Variants in MATR3 observed in about 807,000 individuals in gnomAD.
MATR3 encodes matrin-3.
A neutral mutation model predicts 85.5 loss-of-function variants in MATR3; 4 were observed. The observed-to-expected ratio is 0.05, with a 90% CI of 0.02 to 0.11. MATR3 has a LOEUF of 0.11. MATR3 is among the 10% of genes least tolerant of loss of function. The pLI is 1.00. For synonymous variants in MATR3, 336 were observed against 343.1 expected (o/e 0.98, Z 0.23); for missense variants, 685 against 1,016.1 (o/e 0.67, Z 4.43).
At chr5:139,325,018 C>T (rs950101707) in intron 12 of MATR3, among the ~76,000 whole-genome samples, 5 of 151,864 alleles carry the variant, frequency 3.3e-5, no homozygotes, top group Non-Finnish European at 5.9e-5. Context: ...AGTGAAACCC[C>T]GTCTCTACTA....
intron 2 of MATR3, 122 bp from the exon 3 acceptor site, chr5:139,314,553 A>G: frequency 4.0e-6 from 3 of 748,698 alleles, no homozygotes; most frequent in East Asian, 5.5e-5. Flanking sequence ...GATTTAGTGA[A>G]TGGGCAGGTG....
chr5:139,319,940 TTTC>T (rs1354054860), intron 9 of MATR3, among the ~76,000 whole-genome samples: 1 of 144,282 alleles, frequency 6.9e-6, no homozygotes, highest in African/African-American at 2.6e-5. Flanking sequence ...GTTGTTTGCT[TTTC>T]TTTTCTTTTT....
At chr5:139,290,874 T>C (rs1753850515), upstream of MATR3, among the ~76,000 whole-genome samples, 1 of 152,232 alleles carries the variant, frequency 6.6e-6, no homozygotes, top group African/African-American at 2.4e-5. Context: ...AAAATTCATG[T>C]GTCCCCAACT....
intron 1 of MATR3, chr5:139,294,164 AGCCCGTTACACGCGG>A: frequency 1.2e-6 from 1 of 858,082 alleles, no homozygotes; most frequent in Non-Finnish European, 1.6e-6. Context: ...CGGGACGACT[AGCCCGTTACACGCGG>A]GCCGCGGCGC....
At chr5:139,300,996 G>A (rs903366523) in intron 1 of MATR3, among the ~76,000 whole-genome samples, 3 of 151,998 alleles carry the variant, frequency 2.0e-5, no homozygotes, top group Admixed American at 2.0e-4. Context: ...GTATTTTTGG[G>A]TAGAGACAGG....
At chr5:139,300,866 T>C (rs909991985) in intron 1 of MATR3, among the ~76,000 whole-genome samples, 2 of 150,712 alleles carry the variant, frequency 1.3e-5, no homozygotes, top group Non-Finnish European at 2.9e-5. Flanking sequence ...CAGGCTGGAG[T>C]GCAATGGCAT....
In MATR3 at chr5:139,330,616, G is replaced by A. The variant is rs1485596710; in HGVS notation, c.*1221G>A. Reference sequence around the variant, plus strand: ...TACATAACTAAAAGTGAGGCCATTTGTGGTTTTTAAAAACCTTATGAATTA... The same window carrying A: ...TACATAACTAAAAGTGAGGCCATTTATGGTTTTTAAAAACCTTATGAATTA... On this transcript the variant is annotated 3_prime_UTR_variant, in exon 15 of 15. Transcript: ENST00000394805. 2.2e-6 allele frequency: 1 copy of A among 454,002 alleles called. No individual in the cohort carries two copies. The highest frequency in any genetic ancestry group is 4.4e-6 in the Non-Finnish European group (1 of 226,792). 28.1% of individuals were successfully genotyped at this position (454,002 alleles called of 1,614,324 possible). A position where few individuals can be genotyped will look rare whatever the true frequency, so the allele number is the denominator to read the frequency against.
At chr5:139,286,843 C>CA (rs72412077) in intron 3 of MATR3, among the ~76,000 whole-genome samples, 279 of 135,302 alleles carry the variant, frequency 2.1e-3, no homozygotes, top group African/African-American at 5.3e-3. Context: ...GACTCCGTCT[C>CA]AAAAAAAAAA....
intron 3 of MATR3, among the ~76,000 whole-genome samples, chr5:139,288,356 A>G (rs1753773226): frequency 6.6e-6 from 1 of 152,210 alleles, no homozygotes; most frequent in African/African-American, 2.4e-5. Context: ...TCGTTGAAAA[A>G]GTTTGACTTT....
intron 12 of MATR3, among the ~76,000 whole-genome samples, chr5:139,323,299 T>TA (rs1755673492): frequency 6.6e-6 from 1 of 151,860 alleles, no homozygotes; most frequent in Non-Finnish European, 1.5e-5. Context: ...AAAAAAAAAA[T>TA]ACAGGACGTG....
chr5:139,277,594 A>C (rs1384590328), intron 2 of MATR3, among the ~76,000 whole-genome samples: 1 of 152,056 alleles, frequency 6.6e-6, no homozygotes, highest in African/African-American at 2.4e-5. Context: ...TAGGCAGGGA[A>C]AAGGCAAATA....
chr5:139,325,217 T>C (rs997801888), intron 12 of MATR3: 3 of 1,510,860 alleles, frequency 2.0e-6, no homozygotes, highest in Non-Finnish European at 2.7e-6. Flanking sequence ...AAAGACGCTA[T>C]CCGTTTCCCT....
chr5:139,292,203 C>T (rs902731205), upstream of MATR3: 1 of 152,028 alleles, frequency 6.6e-6, no homozygotes, highest in Non-Finnish European at 1.5e-5. Context: ...CTCAAGTGAT[C>T]CACCCGCCAA....
At chr5:139,323,904 G>A (rs80183332) in intron 12 of MATR3, among the ~76,000 whole-genome samples, 13 of 151,658 alleles carry the variant, frequency 8.6e-5, no homozygotes, top group Non-Finnish European at 1.8e-4. Flanking sequence ...AAAAAAAAAA[G>A]TAGAGCGAAA....
At chr5:139,322,415 T>G in intron 10 of MATR3, 48 bp from the exon 11 acceptor site, 1 of 1,494,680 alleles carries the variant, frequency 6.7e-7, no homozygotes, top group Non-Finnish European at 9.3e-7. Context: ...ACTGGATAAT[T>G]GTGTATTCTG....
At chr5:139,321,762 G>A in intron 9 of MATR3, 136 bp from the exon 10 acceptor site, 3 of 877,874 alleles carry the variant, frequency 3.4e-6, no homozygotes, top group South Asian at 3.3e-5. Context: ...CAGCCTGGGT[G>A]ACACAGTGAG....
intron 1 of MATR3, among the ~76,000 whole-genome samples, chr5:139,296,988 T>G (rs1259315458): frequency 1.3e-5 from 2 of 152,076 alleles, no homozygotes; most frequent in Admixed American, 6.6e-5. Context: ...TTGCCCAACA[T>G]GGCGAAACCC....
intron 9 of MATR3, among the ~76,000 whole-genome samples, chr5:139,320,074 G>T: frequency 6.6e-6 from 1 of 150,704 alleles, no homozygotes; most frequent in South Asian, 2.1e-4. Context: ...TTTGGGAGGC[G>T]GAGGCAGGCA....
intron 1 of MATR3, among the ~76,000 whole-genome samples, chr5:139,303,713 A>G (rs978915912): frequency 6.6e-6 from 1 of 150,968 alleles, no homozygotes; most frequent in Non-Finnish European, 1.5e-5. Flanking sequence ...ATGCCATTCC[A>G]CTCCAGCCTG....
Sources: gnomAD v4.1 joint callset for allele counts (sites outside exome capture counted in the v4.1 genomes callset) on GRCh38, gnomAD v4.1.1 for gene constraint, MANE v1.5 for transcripts, NCBI Gene and HGNC (gene_info 2026-07-23, HGNC 2026-07-21) for gene names.